The following PLCG2 variants were observed in gnomAD, a reference collection of about 807,000 sequenced individuals.
The protein encoded by PLCG2 is 1-phosphatidylinositol 4,5-bisphosphate phosphodiesterase gamma-2.
In PLCG2, 69 loss-of-function variants were observed where a neutral mutation model predicts 175.6. That is an observed-to-expected ratio of 0.39 (90% CI 0.32 to 0.48). PLCG2 has a LOEUF of 0.48. Among genes scored for constraint, PLCG2 ranks in the 20% least tolerant of loss-of-function variants. The pLI, the probability that PLCG2 is intolerant of heterozygous loss-of-function variation, is 0.91. For missense variants in PLCG2, 1,798 were observed against 1,650.9 expected, an observed-to-expected ratio of 1.09 and a Z score of -1.54; for synonymous variants, 827 against 624.0, an observed-to-expected ratio of 1.33 and a Z score of -4.85.
At chr16:81,760,697 G>A (rs1396449436) in intron 2 of PLCG2, among the ~76,000 whole-genome samples, 3 of 150,266 alleles carry the variant, frequency 2.0e-5, no homozygotes, top group Non-Finnish European at 4.4e-5. Flanking sequence ...GATCACTTGA[G>A]GGCAGGAGTT....
intron 5 of PLCG2, among the ~76,000 whole-genome samples, chr16:81,868,418 A>G (rs1361088894): frequency 2.0e-5 from 3 of 152,146 alleles, no homozygotes; most frequent in Non-Finnish European, 4.4e-5. Context: ...CTTACTCTGC[A>G]TCCCTCTTGT....
intron 2 of PLCG2, among the ~76,000 whole-genome samples, chr16:81,833,111 G>A (rs946709822): frequency 6.6e-6 from 1 of 152,172 alleles, no homozygotes; most frequent in Non-Finnish European, 1.5e-5. Flanking sequence ...TTTCCTGCTG[G>A]CACCCACCTC....
At chr16:81,866,954 G>A (rs572681012) in intron 5 of PLCG2, among the ~76,000 whole-genome samples, 42 of 152,372 alleles carry the variant, frequency 2.8e-4, no homozygotes, top group Non-Finnish European at 5.6e-4. Context: ...CCTGCTGGCC[G>A]CTGTGCCCAG....
chr16:81,786,452 G>A (rs976186886), intron 2 of PLCG2, among the ~76,000 whole-genome samples: 1 of 152,212 alleles, frequency 6.6e-6, no homozygotes, highest in Admixed American at 6.5e-5. Context: ...TCCTTGCCTG[G>A]TGGTTCTGTG....
chr16:81,890,599 C>T (rs1338423471), intron 10 of PLCG2, among the ~76,000 whole-genome samples: 4 of 152,154 alleles, frequency 2.6e-5, no homozygotes, highest in South Asian at 2.1e-4. Flanking sequence ...AAACAGAATG[C>T]GAAGGTGTCT....
chr16:81,757,939 C>T (rs942284805), intron 2 of PLCG2, among the ~76,000 whole-genome samples: 8 of 152,100 alleles, frequency 5.3e-5, no homozygotes, highest in African/African-American at 1.7e-4. Flanking sequence ...AGGCTTCTTT[C>T]ACTTAGCATC....
intron 5 of PLCG2, among the ~76,000 whole-genome samples, chr16:81,862,217 G>C (rs1325043033): frequency 6.6e-6 from 1 of 152,264 alleles, no homozygotes; most frequent in East Asian, 1.9e-4. Flanking sequence ...CTGAAGGCGA[G>C]AGGGGGCAGG....
intron 7 of PLCG2, among the ~76,000 whole-genome samples, chr16:81,878,687 G>A (rs985212335): frequency 1.4e-4 from 21 of 152,070 alleles, no homozygotes; most frequent in Admixed American, 7.2e-4. Flanking sequence ...CATGTGTTGC[G>A]AATCCAGAAG....
intron 24 of PLCG2, among the ~76,000 whole-genome samples, chr16:81,929,519 C>G (rs1022944245): frequency 4.6e-5 from 7 of 152,224 alleles, no homozygotes; most frequent in African/African-American, 1.7e-4. Flanking sequence ...CCTCAGCCTC[C>G]TGAGTAGCCG....
chr16:81,867,674 C>T (rs915553346), intron 5 of PLCG2, among the ~76,000 whole-genome samples: 3 of 151,948 alleles, frequency 2.0e-5, no homozygotes, highest in Admixed American at 6.6e-5. Flanking sequence ...TTGCCTGGGA[C>T]GTGTTCTCCC....
chr16:81,933,672 C>T (rs1050437051), intron 25 of PLCG2, among the ~76,000 whole-genome samples: 1 of 151,950 alleles, frequency 6.6e-6, no homozygotes. Context: ...TGTGGATTGA[C>T]TTAGGTAATA....
At chr16:81,748,116 C>A (rs766425969) in intron 1 of PLCG2, among the ~76,000 whole-genome samples, 23 of 152,172 alleles carry the variant, frequency 1.5e-4, no homozygotes, top group Non-Finnish European at 2.2e-4. Flanking sequence ...CTCAGATGAT[C>A]CGCCCACCTC....
At chr16:81,877,838 C>G (rs535628985) in intron 7 of PLCG2, among the ~76,000 whole-genome samples, 7 of 151,768 alleles carry the variant, frequency 4.6e-5, no homozygotes, top group Non-Finnish European at 1.0e-4. Context: ...CATTGCATCG[C>G]TCCTTGGCTT....
chr16:81,917,797 C>T (rs1426220265), intron 19 of PLCG2, among the ~76,000 whole-genome samples: 8 of 152,320 alleles, frequency 5.3e-5, no homozygotes, highest in African/African-American at 1.9e-4. Context: ...TCTCAGCTCA[C>T]TGCAAGCTCC....
intron 23 of PLCG2, 86 bp from the exon 24 acceptor site, chr16:81,928,472 T>C: frequency 2.4e-6 from 2 of 840,986 alleles, no homozygotes; most frequent in South Asian, 2.7e-5. Flanking sequence ...AGGCAGTATC[T>C]CTGCTAAACG....
intron 28 of PLCG2, chr16:81,938,488 G>A: frequency 2.6e-6 from 1 of 382,602 alleles, no homozygotes; most frequent in East Asian, 4.3e-5. Flanking sequence ...GAAATCCAGT[G>A]ATTAAGCTCT....
At chr16:81,900,899 C>A in intron 14 of PLCG2, 119 bp downstream of exon 14, 1 of 848,582 alleles carries the variant, frequency 1.2e-6, no homozygotes, top group Non-Finnish European at 1.8e-6. Context: ...TCCCACTGCA[C>A]AGGCTCAAAT....
intron 30 of PLCG2, among the ~76,000 whole-genome samples, chr16:81,943,559 A>C (rs1267885511): frequency 6.6e-6 from 1 of 152,204 alleles, no homozygotes; most frequent in Non-Finnish European, 1.5e-5. Context: ...GAGCCAAACC[A>C]TAACATAGAT....
chr16:81,829,918 G>C (rs1057508212), intron 2 of PLCG2, among the ~76,000 whole-genome samples: 1 of 151,986 alleles, frequency 6.6e-6, no homozygotes, highest in Admixed American at 6.6e-5. Context: ...GCTCTCTAGG[G>C]GGCTTATTCT....
Sources: gnomAD v4.1 joint callset for allele counts (sites outside exome capture counted in the v4.1 genomes callset) on GRCh38, gnomAD v4.1.1 for gene constraint, MANE v1.5 for transcripts, NCBI Gene and HGNC (gene_info 2026-07-23, HGNC 2026-07-21) for gene names.